USH2A: variants seen among roughly 807,000 people sequenced by gnomAD.
USH2A encodes Usher syndrome 2A (autosomal recessive, mild).
USH2A carries 443 observed loss-of-function variants against 538.9 expected under a neutral mutation model. That is an observed-to-expected ratio of 0.82 (90% confidence interval 0.76 to 0.89). The LOEUF (loss-of-function observed/expected upper bound fraction) is 0.89. Among genes scored for constraint, USH2A ranks in the 40% least tolerant of loss-of-function variants. The pLI is 0.00. For missense variants in USH2A, 6,633 were observed against 6,324.8 expected (o/e 1.05, Z -1.65); for synonymous variants, 2,413 against 2,273.5 (o/e 1.06, Z -1.75).
At chr1:215,653,507 G>A (rs1021072342) in intron 64 of USH2A, among the ~76,000 whole-genome samples, 1 of 152,140 alleles carries the variant, frequency 6.6e-6, no homozygotes, top group African/African-American at 2.4e-5. Flanking sequence ...ATGAGCTACT[G>A]TGAAAATGAA....
intron 61 of USH2A, among the ~76,000 whole-genome samples, chr1:215,727,111 C>A (rs1411428828): frequency 6.6e-6 from 1 of 151,874 alleles, no homozygotes; most frequent in Non-Finnish European, 1.5e-5. Flanking sequence ...AGGAAGCCAT[C>A]CCTGAAAAAA....
At chr1:215,763,894 A>G (rs904639967) in intron 56 of USH2A, among the ~76,000 whole-genome samples, 3 of 152,120 alleles carry the variant, frequency 2.0e-5, no homozygotes, top group Non-Finnish European at 4.4e-5. Context: ...TTTAAAACTA[A>G]TTAGATTTTA....
chr1:216,290,086 T>C (rs1018104340), intron 10 of USH2A, among the ~76,000 whole-genome samples: 1 of 152,130 alleles, frequency 6.6e-6, no homozygotes. Context: ...TATTATGTAA[T>C]AAAAAACCTA....
At chr1:215,997,849 C>A (rs762847877) in intron 34 of USH2A, among the ~76,000 whole-genome samples, 11 of 152,058 alleles carry the variant, frequency 7.2e-5, no homozygotes, top group Admixed American at 2.0e-4. Flanking sequence ...CTGTACATAA[C>A]CAAAGTGCTG....
At chr1:215,873,601 A>C (rs1664677240) in intron 43 of USH2A, among the ~76,000 whole-genome samples, 1 of 152,172 alleles carries the variant, frequency 6.6e-6, no homozygotes, top group South Asian at 2.1e-4. Context: ...TAGATTTAAA[A>C]ATATATATGA....
intron 30 of USH2A, among the ~76,000 whole-genome samples, chr1:216,058,618 A>AT (rs1340480957): frequency 1.3e-5 from 2 of 151,584 alleles, no homozygotes; most frequent in African/African-American, 2.4e-5. Context: ...CTACCAACAT[A>AT]TTTTTTTTCT....
chr1:216,384,292 G>A (rs1338048584), intron 3 of USH2A, among the ~76,000 whole-genome samples: 1 of 151,838 alleles, frequency 6.6e-6, no homozygotes, highest in Non-Finnish European at 1.5e-5. Context: ...AAAAAAATAA[G>A]AGAACAATAC....
chr1:215,817,300 T>A, intron 47 of USH2A, 105 bp from the exon 48 acceptor site: 1 of 543,816 alleles, frequency 1.8e-6, no homozygotes, highest in Non-Finnish European at 2.8e-6. Flanking sequence ...TATATATATA[T>A]AATTATATAT....
chr1:216,253,925 C>G (rs1257533219), intron 11 of USH2A, among the ~76,000 whole-genome samples: 1 of 152,176 alleles, frequency 6.6e-6, no homozygotes, highest in African/African-American at 2.4e-5. Context: ...TGTGGCTTCT[C>G]TCTTCTTCCT....
chr1:215,918,233 G>A (rs1427161673), intron 38 of USH2A, among the ~76,000 whole-genome samples: 1 of 152,032 alleles, frequency 6.6e-6, no homozygotes, highest in Non-Finnish European at 1.5e-5. Context: ...ACTAGATCTA[G>A]CATTAAAATA....
chr1:216,176,085 T>C (rs1293433188), intron 20 of USH2A, among the ~76,000 whole-genome samples: 1 of 152,242 alleles, frequency 6.6e-6, no homozygotes, highest in African/African-American at 2.4e-5. Context: ...TGAAGGAATA[T>C]TAACACGAGT....
At chr1:216,282,856 G>A (rs778962228) in intron 11 of USH2A, among the ~76,000 whole-genome samples, 32 of 152,010 alleles carry the variant, frequency 2.1e-4, no homozygotes, top group Non-Finnish European at 4.4e-4. Context: ...AGCATTGGGT[G>A]TCATTCTATT....
intron 61 of USH2A, among the ~76,000 whole-genome samples, chr1:215,688,106 G>A (rs1428370677): frequency 2.0e-5 from 3 of 152,022 alleles, no homozygotes; most frequent in Admixed American, 6.6e-5. Context: ...TTACAAGGGC[G>A]GGTAAGAAAG....
intron 58 of USH2A, among the ~76,000 whole-genome samples, chr1:215,751,815 A>G (rs537323861): frequency 1.6e-4 from 24 of 152,274 alleles, no homozygotes; most frequent in Middle Eastern, 3.4e-3. Context: ...GAGTTTTACC[A>G]TGCCATCTCA....
intron 10 of USH2A, among the ~76,000 whole-genome samples, chr1:216,291,107 C>A (rs2036991708): frequency 6.6e-6 from 1 of 151,738 alleles, no homozygotes; most frequent in Non-Finnish European, 1.5e-5. Flanking sequence ...ACTCATTATG[C>A]CCCTTTCCCA....
chr1:215,680,765 G>T (rs1157096014), intron 61 of USH2A, among the ~76,000 whole-genome samples: 1 of 151,964 alleles, frequency 6.6e-6, no homozygotes, highest in Non-Finnish European at 1.5e-5. Flanking sequence ...TGGGATAATT[G>T]CCTGCCAGGT....
chr1:215,921,297 T>G (rs1344956465), intron 38 of USH2A, among the ~76,000 whole-genome samples: 4 of 152,050 alleles, frequency 2.6e-5, no homozygotes, highest in Non-Finnish European at 5.9e-5. Flanking sequence ...GTCCAACTGG[T>G]TGGTTTCTTT....
chr1:216,011,598 A>G (rs2102492880), intron 32 of USH2A, among the ~76,000 whole-genome samples: 1 of 152,196 alleles, frequency 6.6e-6, no homozygotes, highest in East Asian at 1.9e-4. Context: ...TTTCTGTCCA[A>G]ACAACTTGAC....
At chr1:216,195,369 G>A (rs986205594) in intron 19 of USH2A, among the ~76,000 whole-genome samples, 3 of 152,116 alleles carry the variant, frequency 2.0e-5, no homozygotes, top group Non-Finnish European at 4.4e-5. Context: ...CTTAAGAGCT[G>A]AAAGAATGTG....
Sources: allele counts gnomAD v4.1 joint callset (sites outside exome capture counted in the v4.1 genomes callset), GRCh38; gene constraint gnomAD v4.1.1; transcripts MANE v1.5; gene names NCBI Gene and HGNC (gene_info 2026-07-23, HGNC 2026-07-21).